Variants in NFASC observed in about 807,000 individuals in gnomAD.
NFASC encodes the protein neurofascin homolog.
In NFASC, 43 loss-of-function variants were observed where a neutral mutation model predicts 147.5. The observed-to-expected ratio is 0.29, with a 90% CI of 0.23 to 0.38. NFASC has a LOEUF of 0.38. Among genes scored for constraint, NFASC ranks in the 10% least tolerant of loss-of-function variants. The pLI is 1.00. For missense variants in NFASC, 1,320 were observed against 1,689.0 expected, an observed-to-expected ratio of 0.78 and a Z score of 3.83; for synonymous variants, 622 against 665.5, an observed-to-expected ratio of 0.93 and a Z score of 1.01.
intron 4 of NFASC, among the ~76,000 whole-genome samples, chr1:204,951,620 C>T (rs2094134729): frequency 6.6e-6 from 1 of 151,970 alleles, no homozygotes; most frequent in African/African-American, 2.4e-5. Context: ...AGGCACCCTC[C>T]ACCACGCCCG....
At chr1:204,924,801 A>G (rs1317713878) in intron 2 of NFASC, among the ~76,000 whole-genome samples, 1 of 152,248 alleles carries the variant, frequency 6.6e-6, no homozygotes, top group African/African-American at 2.4e-5. Flanking sequence ...ATCTTGTCCA[A>G]AGCCTTATCG....
intron 17 of NFASC, among the ~76,000 whole-genome samples, chr1:204,978,592 C>T (rs2095452276): frequency 6.6e-6 from 1 of 152,238 alleles, no homozygotes; most frequent in Non-Finnish European, 1.5e-5. Flanking sequence ...CCCACACTCC[C>T]TCATCAGCCT....
At chr1:204,969,025 T>G in intron 10 of NFASC, 43 bp downstream of exon 10, 1 of 1,552,466 alleles carries the variant, frequency 6.4e-7, no homozygotes, top group Non-Finnish European at 8.8e-7. Context: ...TTGCCAACCC[T>G]GAACACCATG....
At chr1:204,876,457 A>G (rs570856813) in intron 1 of NFASC, among the ~76,000 whole-genome samples, 2 of 152,196 alleles carry the variant, frequency 1.3e-5, no homozygotes, top group Non-Finnish European at 2.9e-5. Flanking sequence ...TATGTACAAC[A>G]TACAATTTAC....
At chr1:204,982,676 G>A (rs772085841) in intron 21 of NFASC, among the ~76,000 whole-genome samples, 1 of 152,256 alleles carries the variant, frequency 6.6e-6, no homozygotes, top group African/African-American at 2.4e-5. Flanking sequence ...CTTCCCAGAC[G>A]GTGGTGGCCT....
chr1:204,913,500 C>A (rs2088253559), intron 1 of NFASC, among the ~76,000 whole-genome samples: 1 of 151,952 alleles, frequency 6.6e-6, no homozygotes, highest in Non-Finnish European at 1.5e-5. Context: ...CAGAAATAGA[C>A]CTAAACACAT....
rs972847280 is a variant in NFASC, at chr1:205,020,176, G to T, written c.*3637G>T. The stretch of plus-strand genomic sequence containing the variant: ...TGACCACAGGTCTGAAAATCAGCCA[G>T]TGCCAACATTGCTTGCCCTGCAAGG... On this transcript the variant is annotated 3_prime_UTR_variant, in exon 30 of 30. Transcript: ENST00000339876. 5 of 152,296 alleles carry T rather than the reference G, an allele frequency of 3.3e-5. No homozygotes were observed. The highest frequency in any genetic ancestry group is 7.2e-5 in the African/African-American group (3 of 41,456). The allele number at this position is 152,296 out of a possible 1,614,324, so 9.4% of individuals were successfully genotyped here. A position where few individuals can be genotyped will look rare whatever the true frequency, so the allele number is the denominator to read the frequency against.
intron 24 of NFASC, 49 bp downstream of exon 24, chr1:204,991,355 GC>G: frequency 6.3e-7 from 1 of 1,597,304 alleles, no homozygotes; most frequent in Non-Finnish European, 8.5e-7. Context: ...GGCAGCGCAG[GC>G]GGAGCCCAGC....
chr1:204,856,897 T>G (rs1198419862), intron 1 of NFASC, among the ~76,000 whole-genome samples: 1 of 152,260 alleles, frequency 6.6e-6, no homozygotes, highest in African/African-American at 2.4e-5. Context: ...CATAGGTATA[T>G]ACCAGAATTT....
At chr1:204,841,594 C>A (rs1199712105) in intron 1 of NFASC, among the ~76,000 whole-genome samples, 1 of 152,050 alleles carries the variant, frequency 6.6e-6, no homozygotes, top group Non-Finnish European at 1.5e-5. Context: ...GAAGAATCAC[C>A]ACCTGCCACC....
At chr1:204,886,215 C>T (rs1170754349) in intron 1 of NFASC, among the ~76,000 whole-genome samples, 1 of 152,148 alleles carries the variant, frequency 6.6e-6, no homozygotes, top group Non-Finnish European at 1.5e-5. Flanking sequence ...TTCAAAAATG[C>T]TTTAAGCAAG....
intron 27 of NFASC, among the ~76,000 whole-genome samples, chr1:205,007,306 G>T (rs1226285678): frequency 6.6e-6 from 1 of 152,026 alleles, no homozygotes; most frequent in Admixed American, 6.6e-5. Context: ...TGAGATAGGA[G>T]GATCACTTAA....
At chr1:204,890,930 A>G (rs996316780) in intron 1 of NFASC, among the ~76,000 whole-genome samples, 1 of 152,188 alleles carries the variant, frequency 6.6e-6, no homozygotes, top group African/African-American at 2.4e-5. Context: ...GCATCCCCTG[A>G]TGCTCACCCA....
At chr1:204,934,423 C>T (rs935358260) in intron 2 of NFASC, among the ~76,000 whole-genome samples, 4 of 152,152 alleles carry the variant, frequency 2.6e-5, no homozygotes, top group African/African-American at 9.7e-5. Flanking sequence ...CTCTAATTGG[C>T]TTGCAAATTA....
chr1:204,997,332 C>T lies in NFASC; in HGVS notation c.2945C>T (p.Thr982Ile). The T allele has an allele frequency of 1.3e-6, 2 of 1,571,430 alleles. No individual in the cohort carries two copies. Among genetic ancestry groups the T allele is most frequent in the Non-Finnish European group, 1.7e-6 (2 of 1,158,320 alleles). Residue 982 changes from threonine (T) to isoleucine (I), a missense_variant, in exon 25 of 30, where the codon ACA (threonine) becomes ATA (isoleucine). Thr to Ile is a moderately conservative substitution (Grantham distance 89). Around this residue, in one of 3 missense-constraint regions of NFASC, gnomAD observed 172 missense variants for 165.8 expected, o/e 1.04. Transcript: ENST00000339876. ...ATTTTVATTT[T>I]TTAAATTTTE... The stretch of plus-strand genomic sequence containing the variant: ...ACCACCACCGTCGCCACAACTACTA[C>T]AACCACTGCTGCCGCCACCACCACC...
At chr1:204,885,308 C>T (rs1047539910) in intron 1 of NFASC, among the ~76,000 whole-genome samples, 5 of 152,094 alleles carry the variant, frequency 3.3e-5, no homozygotes, top group African/African-American at 1.2e-4. Flanking sequence ...GAAATTGTTC[C>T]AGCCGTGGGC....
At chr1:204,944,506 A>T in intron 3 of NFASC, 100 bp downstream of exon 3, 4 of 928,858 alleles carry the variant, frequency 4.3e-6, no homozygotes, top group Non-Finnish European at 4.7e-6. Flanking sequence ...ATCCAAGGAG[A>T]TTGAGGAGAG....
intron 1 of NFASC, among the ~76,000 whole-genome samples, chr1:204,887,330 T>C (rs1365293652): frequency 6.6e-6 from 1 of 152,180 alleles, no homozygotes; most frequent in Admixed American, 6.5e-5. Context: ...TGAGTCAAAA[T>C]TTCCTTCTTC....
chr1:204,883,356 G>A (rs12022130), intron 1 of NFASC, among the ~76,000 whole-genome samples: 10,637 of 152,228 alleles, frequency 0.07, 1,057 homozygotes, highest in African/African-American at 0.21. Context: ...CAGGGCTGGG[G>A]CGGCACTGGA....
Sources: allele counts gnomAD v4.1 joint callset (sites outside exome capture counted in the v4.1 genomes callset), GRCh38; gene constraint gnomAD v4.1.1; regional missense constraint gnomAD v4.1.1; transcripts MANE v1.5; gene names NCBI Gene and HGNC (gene_info 2026-07-23, HGNC 2026-07-21).